The following FBXO25 variants were observed in gnomAD, a reference collection of about 807,000 sequenced individuals.
FBXO25 encodes F-box only protein 25.
A neutral mutation model predicts 51.9 loss-of-function variants in FBXO25; 45 were observed. That is an observed-to-expected ratio of 0.87 (90% CI 0.68 to 1.11). FBXO25 has a LOEUF of 1.11. Ranked by LOEUF, FBXO25 falls within the 50% of genes most tolerant of loss-of-function variation. The pLI is 0.00. For synonymous variants in FBXO25, 199 were observed against 151.0 expected (o/e 1.32, Z -2.33); for missense variants, 507 against 428.5 (o/e 1.18, Z -1.62).
chr8:432,487 T>G (rs1797875088), intron 3 of FBXO25, among the ~76,000 whole-genome samples: 1 of 152,244 alleles, frequency 6.6e-6, no homozygotes, highest in African/African-American at 2.4e-5. Flanking sequence ...ATACAGTTAG[T>G]GTGATTCTTG....
At position 463,277 on chromosome 8, in the gene FBXO25, A is replaced by G. The variant is rs187115462; in HGVS notation, c.987+127A>G. ...TTTGTTATAAGTAAGTTAAGGAGAT[A>G]TATTTTACCAAATATTGGGGTAGGG... is the stretch of plus-strand genomic sequence containing the variant. On this transcript the variant is annotated intron_variant, in intron 9 of 9. Coordinates refer to ENST00000350302, the MANE Select transcript of FBXO25 (RefSeq NM_183420.2). The G allele has an allele frequency of 2.6e-5, 28 of 1,079,176 alleles. No individual in the cohort carries two copies. The African/African-American group carries it at 4.1e-4, about 16-fold the overall frequency. 66.9% of individuals were successfully genotyped at this position (1,079,176 alleles called of 1,614,324 possible).
chr8:451,984 C>T (rs1195016522), intron 7 of FBXO25, among the ~76,000 whole-genome samples: 1 of 152,002 alleles, frequency 6.6e-6, no homozygotes, highest in Non-Finnish European at 1.5e-5. Context: ...ACCATTGCCC[C>T]GAGTATTTAG....
At chr8:466,949 A>G (rs1275856853) in intron 9 of FBXO25, among the ~76,000 whole-genome samples, 6 of 152,126 alleles carry the variant, frequency 3.9e-5, no homozygotes, top group Non-Finnish European at 8.8e-5. Flanking sequence ...GGAAGCCATG[A>G]TGAGCATTTG....
intron 2 of FBXO25, among the ~76,000 whole-genome samples, chr8:431,135 C>T (rs1256090055): frequency 1.3e-5 from 2 of 152,182 alleles, no homozygotes; most frequent in African/African-American, 4.8e-5. Flanking sequence ...GATTCTAAAA[C>T]ATGTTCAGCA....
chr8:462,379 T>C (rs977088077), intron 8 of FBXO25, among the ~76,000 whole-genome samples: 1 of 152,142 alleles, frequency 6.6e-6, no homozygotes, highest in African/African-American at 2.4e-5. Context: ...ATTCTAGATA[T>C]AAGTCTGTTA....
intron 2 of FBXO25, among the ~76,000 whole-genome samples, chr8:419,614 AAAAT>A (rs1181468419): frequency 3.3e-5 from 5 of 152,182 alleles, no homozygotes; most frequent in African/African-American, 4.8e-5. Flanking sequence ...TGTATATGCA[AAAAT>A]AAATAAAAAC....
intron 4 of FBXO25, among the ~76,000 whole-genome samples, chr8:435,166 C>A (rs940502399): frequency 9.2e-5 from 14 of 152,152 alleles, no homozygotes; most frequent in African/African-American, 3.4e-4. Context: ...GCAGTGCATG[C>A]CTCCCCTGCA....
chr8:418,813 A>G (rs983471707), intron 2 of FBXO25, among the ~76,000 whole-genome samples: 14 of 152,212 alleles, frequency 9.2e-5, no homozygotes, highest in African/African-American at 3.4e-4. Context: ...GGGAAGGGAA[A>G]GATTTTTTCA....
Position 474,303 on chromosome 8 carries a change from T to G in FBXO25, c.*5499T>G, listed in dbSNP as rs1169949495. ...GTCAAGATTTCTTTTTAAGGCTGAT[T>G]CTATGGATGGACCACATTTTGTTTG... On this transcript the variant is annotated 3_prime_UTR_variant, in exon 10 of 10. Coordinates refer to ENST00000350302, the MANE Select transcript of FBXO25 (RefSeq NM_183420.2). 1.1e-5 allele frequency: 2 copies of G among 185,048 alleles called. No homozygotes were observed. The highest frequency in any genetic ancestry group is 1.1e-4 in the Admixed American group (2 of 17,472). The allele number at this position is 185,048 out of a possible 1,614,324, so 11.5% of individuals were successfully genotyped here.
intron 9 of FBXO25, chr8:467,757 G>A (rs201672813): frequency 4.8e-5 from 78 of 1,613,740 alleles, no homozygotes; most frequent in Middle Eastern, 1.7e-4. Context: ...GTACTTCCCT[G>A]TCTTGCCACA....
chr8:438,073 T>A (rs1585048811), intron 5 of FBXO25, among the ~76,000 whole-genome samples: 1 of 151,436 alleles, frequency 6.6e-6, no homozygotes, highest in Non-Finnish European at 1.5e-5. Flanking sequence ...TTTTTTTTTT[T>A]AGATGGAGTC....
At chr8:468,680 G>A (rs759826058) in intron 9 of FBXO25, 35 bp from the exon 10 acceptor site, 2 of 1,590,062 alleles carry the variant, frequency 1.3e-6, no homozygotes, top group Admixed American at 1.7e-5. Context: ...GCTGGTGGTG[G>A]GGCCCCCTCC....
intron 2 of FBXO25, among the ~76,000 whole-genome samples, chr8:415,999 G>GT (rs1176064225): frequency 6.6e-6 from 1 of 152,292 alleles, no homozygotes; most frequent in East Asian, 1.9e-4. Flanking sequence ...TTTGACAAGG[G>GT]AGTGTGTAGT....
Position 469,056 on chromosome 8 carries a change from C to A in FBXO25, c.*252C>A. 1 of 394,122 alleles carries A rather than the reference C, an allele frequency of 2.5e-6. No homozygotes were observed. 24.4% of individuals were successfully genotyped at this position (394,122 alleles called of 1,614,324 possible). On this transcript the variant is annotated 3_prime_UTR_variant, in exon 10 of 10. Coordinates refer to ENST00000350302, the MANE Select transcript of FBXO25 (RefSeq NM_183420.2). The stretch of plus-strand genomic sequence containing the variant: ...ATATTAAAATGTGAAATTTTGCGTA[C>A]TCTCTCTCTCTATATATATAGTTCA...
rs1298336388 is a variant in FBXO25 at position 474,603 on chromosome 8, T to A, written c.*5799T>A. 1 of 396,854 alleles carries A rather than the reference T, an allele frequency of 2.5e-6. No homozygotes were observed. The highest frequency in any genetic ancestry group is 4.9e-6 in the Non-Finnish European group (1 of 203,410). The allele number at this position is 396,854 out of a possible 1,614,324, so 24.6% of individuals were successfully genotyped here. ...GTGTGAAGTGGTATCCTGCTGAGAT[T>A]TTGATTTGCATTTCCGTAATGACTG... On this transcript the variant is annotated 3_prime_UTR_variant, in exon 10 of 10. Transcript: ENST00000350302.
chr8:425,261 T>A (rs1249474521), intron 2 of FBXO25, among the ~76,000 whole-genome samples: 1 of 152,152 alleles, frequency 6.6e-6, no homozygotes, highest in African/African-American at 2.4e-5. Flanking sequence ...TCCTAGACAC[T>A]ATAGTTTAGT....
intron 2 of FBXO25, among the ~76,000 whole-genome samples, chr8:421,542 C>T (rs1797154809): frequency 6.6e-6 from 1 of 152,164 alleles, no homozygotes; most frequent in Admixed American, 6.5e-5. Flanking sequence ...AAGGATGGTG[C>T]TAGAGTTATC....
chr8:434,573 G>C (rs1797994216), intron 4 of FBXO25, among the ~76,000 whole-genome samples: 1 of 152,156 alleles, frequency 6.6e-6, no homozygotes, highest in Non-Finnish European at 1.5e-5. Context: ...GAGTGTATCG[G>C]CTGTCAGAGA....
At chr8:418,871 C>A (rs1437491936) in intron 2 of FBXO25, among the ~76,000 whole-genome samples, 1 of 152,124 alleles carries the variant, frequency 6.6e-6, no homozygotes, top group Non-Finnish European at 1.5e-5. Flanking sequence ...CTCACTCTTA[C>A]TGTGGACATA....
Sources: allele counts gnomAD v4.1 joint callset (sites outside exome capture counted in the v4.1 genomes callset), GRCh38; gene constraint gnomAD v4.1.1; transcripts MANE v1.5; gene names NCBI Gene and HGNC (gene_info 2026-07-23, HGNC 2026-07-21).